The following MTERF4 variants were observed in gnomAD, a reference collection of about 807,000 sequenced individuals.
MTERF4 encodes the protein transcription termination factor 4, mitochondrial.
A neutral mutation model predicts 22.5 loss-of-function variants in MTERF4; 17 were observed. The ratio of observed to expected loss-of-function variants is 0.75; its 90% confidence interval spans 0.52 to 1.13. The LOEUF (loss-of-function observed/expected upper bound fraction) is 1.13, where lower values mean the gene tolerates loss of function less well. Ranked by LOEUF, MTERF4 falls within the 50% of genes most tolerant of loss-of-function variation. The probability of loss-of-function intolerance (pLI) is 0.00; values close to 1 mark genes in which losing one functional copy is unlikely to be tolerated. For synonymous variants in MTERF4, 165 were observed against 175.3 expected (o/e 0.94, Z 0.47); for missense variants, 420 against 466.8 (o/e 0.90, Z 0.92).
downstream of MTERF4, chr2:241,069,953 G>A (rs373280615): frequency 2.9e-5 from 46 of 1,612,728 alleles, no homozygotes; most frequent in Non-Finnish European, 3.6e-5. This position sits in a 1 kb window ranked among gnomAD's most constrained non-coding sequence, Gnocchi z 4.9. Context: ...ACCGCCGCCC[G>A]AGTCACTGCC....
intron 1 of MTERF4, 21 bp downstream of exon 1, chr2:241,102,232 G>A (rs1245861844): frequency 1.1e-5 from 17 of 1,548,560 alleles, no homozygotes; most frequent in Non-Finnish European, 1.5e-5. Context: ...GGAGAAGCCC[G>A]CGCGCCCAGC....
At chr2:241,045,851 T>G in the MTERF4 span, among the ~76,000 whole-genome samples, 1 of 152,118 alleles carries the variant, frequency 6.6e-6, no homozygotes, top group African/African-American at 2.4e-5. Context: ...AAGACATGGT[T>G]AAAAGAATAA....
chr2:241,095,749 G>T lies in MTERF4; in HGVS notation c.*249C>A. On this transcript the variant is annotated 3_prime_UTR_variant, in exon 4 of 4. Transcript: ENST00000391980. ...CCTTGATGTGAATAGCTCAACATAAGTATCTTATTCAGGATGGGACAGGGC... is the reference window on the plus strand; with the variant it reads ...CCTTGATGTGAATAGCTCAACATAATTATCTTATTCAGGATGGGACAGGGC... The T allele has an allele frequency of 1.8e-6, 1 of 554,620 alleles. No individual in the cohort carries two copies. Among genetic ancestry groups the T allele is most frequent in the Non-Finnish European group, 3.1e-6 (1 of 324,290 alleles). The allele number at this position is 554,620 out of a possible 1,614,324, so 34.4% of individuals were successfully genotyped here.
intron 4 of MTERF4, chr2:241,081,730 C>T: frequency 6.2e-7 from 1 of 1,609,464 alleles, no homozygotes; most frequent in African/African-American, 1.3e-5. Flanking sequence ...CACTTGTGTG[C>T]CGGGCGCAGA....
chr2:241,089,178 T>C, downstream of MTERF4: 2 of 989,958 alleles, frequency 2.0e-6, no homozygotes, highest in Admixed American at 2.9e-5. Context: ...GTTACCAGTT[T>C]CATACTGACC....
At chr2:241,057,412 T>TATATGC in the MTERF4 span, among the ~76,000 whole-genome samples, 735 of 129,318 alleles carry the variant, frequency 5.7e-3, 12 homozygotes, top group African/African-American at 0.021. Context: ...TATATATATA[T>TATATGC]GCCATACGCA....
In MTERF4 at chr2:241,096,752, T is replaced by C. The variant is rs1202093445; in HGVS notation, c.706-314A>G. ...AGGAAAAGGATGAATATGGAAAGAA[T>C]AGGCAAAACATTCAGAAAACATCTA... On this transcript the variant is annotated intron_variant, in intron 3 of 3. Coordinates refer to ENST00000391980, the MANE Select transcript of MTERF4 (RefSeq NM_182501.4). The surrounding 1 kb of genome is among the most constrained non-coding windows in gnomAD (Gnocchi z 5.1). 9 of 559,314 alleles carry C rather than the reference T, an allele frequency of 1.6e-5. No individual in the cohort carries two copies. The highest frequency in any genetic ancestry group is 2.7e-5 in the Non-Finnish European group (8 of 298,846). The allele number at this position is 559,314 out of a possible 1,614,324, so 34.6% of individuals were successfully genotyped here.
downstream of MTERF4, chr2:241,071,392 C>A (rs954078386): frequency 3.0e-6 from 2 of 658,370 alleles, no homozygotes; most frequent in African/African-American, 1.8e-5. Context: ...GGCGGGTGGG[C>A]TGGAAGGGAA....
chr2:241,087,230 A>T, downstream of MTERF4: 1 of 612,148 alleles, frequency 1.6e-6, no homozygotes, highest in Non-Finnish European at 2.9e-6. Flanking sequence ...CCTTTATGTT[A>T]GACATTTTAA....
the MTERF4 span, chr2:241,048,615 T>A: frequency 1.3e-6 from 2 of 1,546,704 alleles, no homozygotes; most frequent in Non-Finnish European, 1.8e-6. Flanking sequence ...GAGGGTGCCA[T>A]CTTTCTGCGC....
At chr2:241,088,783 A>C, downstream of MTERF4, 1 of 262,994 alleles carries the variant, frequency 3.8e-6, no homozygotes, top group Non-Finnish European at 7.2e-6. Context: ...AGGAGGGGCC[A>C]CGGGCAGCGG....
At chr2:241,072,514 C>T (rs1165963789) in exon 5 of MTERF4, 17 of 339,176 alleles carry the variant, frequency 5.0e-5, no homozygotes, top group South Asian at 3.8e-4. Context: ...TGGTCATCCT[C>T]ATGGAACTCC....
Position 241,075,415 on chromosome 2 carries a change from C to T in MTERF4, n.747G>A, listed in dbSNP as rs114007105. On this transcript the variant is annotated non_coding_transcript_exon_variant, in exon 5 of 5. Coordinates refer to the MTERF4 transcript ENST00000464344. This position sits in a 1 kb window ranked among gnomAD's most constrained non-coding sequence, Gnocchi z 4.8. ...GGGTTTGCAGATCCTACAGGCAGAA[C>T]GGGTGGGATGCACACCCCTGGGATC... 2.5e-3 allele frequency: 385 copies of T among 152,290 alleles called. No homozygotes were observed. The highest frequency in any genetic ancestry group is 4.3e-3 in the Non-Finnish European group (292 of 68,042). 9.4% of individuals were successfully genotyped at this position (152,290 alleles called of 1,614,324 possible).
the MTERF4 span, among the ~76,000 whole-genome samples, chr2:241,046,593 A>C: frequency 6.6e-6 from 1 of 152,216 alleles, no homozygotes; most frequent in African/African-American, 2.4e-5. Context: ...CATTCTTCGT[A>C]AAACAAAACT....
chr2:241,051,135 C>G, the MTERF4 span: 1 of 152,394 alleles, frequency 6.6e-6, no homozygotes, highest in South Asian at 2.1e-4. The surrounding 1 kb of genome is among the most constrained non-coding windows in gnomAD (Gnocchi z 4.7). Context: ...ACCCAGGGGT[C>G]CAAGGATTCG....
chr2:241,072,493 G>A (rs2062781749), exon 5 of MTERF4: 1 of 340,586 alleles, frequency 2.9e-6, no homozygotes, highest in South Asian at 2.2e-5. Context: ...CCTCTCACCT[G>A]GAAGGCCAGG....
the MTERF4 span, among the ~76,000 whole-genome samples, chr2:241,061,047 G>A: frequency 6.6e-6 from 1 of 150,514 alleles, no homozygotes; most frequent in Non-Finnish European, 1.5e-5. Flanking sequence ...AAAAAGAAAT[G>A]ATGAACATAC....
chr2:241,067,652 G>A, downstream of MTERF4: 2 of 813,934 alleles, frequency 2.5e-6, no homozygotes, highest in Non-Finnish European at 3.8e-6. Context: ...ACCCTCTCCA[G>A]TGCCTCTCTG....
At chr2:241,069,702 G>A (rs931874312), downstream of MTERF4, among the ~76,000 whole-genome samples, 16 of 152,106 alleles carry the variant, frequency 1.1e-4, no homozygotes, top group African/African-American at 3.6e-4. This position sits in a 1 kb window ranked among gnomAD's most constrained non-coding sequence, Gnocchi z 4.9. Flanking sequence ...ATCCTAACCC[G>A]AGGGGAGGGT....
Sources: gnomAD v4.1 joint callset for allele counts (sites outside exome capture counted in the v4.1 genomes callset) on GRCh38, gnomAD v4.1.1 for gene constraint, Gnocchi (gnomAD v3.1) non-coding constraint, MANE v1.5 for transcripts, NCBI Gene and HGNC (gene_info 2026-07-23, HGNC 2026-07-21) for gene names.